ZC3H15: variants seen among roughly 807,000 people sequenced by gnomAD.
ZC3H15 encodes zinc finger CCCH-type containing 15, also known as zinc finger CCCH domain-containing protein 15.
ZC3H15 carries 15 observed loss-of-function variants against 51.2 expected under a neutral mutation model. The ratio of observed to expected loss-of-function variants is 0.29; its 90% CI spans 0.20 to 0.45. ZC3H15 has a LOEUF of 0.45. Ranked by LOEUF, ZC3H15 falls within the 20% of genes least tolerant of loss-of-function variation. The probability of loss-of-function intolerance (pLI) is 1.00; values close to 1 mark genes in which losing one functional copy is unlikely to be tolerated. For missense variants in ZC3H15, 381 were observed against 494.7 expected, an observed-to-expected ratio of 0.77 and a Z score of 2.18; for synonymous variants, 144 against 162.8, an observed-to-expected ratio of 0.88 and a Z score of 0.88.
intron 9 of ZC3H15, chr2:186,507,425 T>C (rs767591814): frequency 2.2e-6 from 1 of 456,696 alleles, no homozygotes; most frequent in Non-Finnish European, 4.4e-6. Context: ...AAGGGCTTTT[T>C]AGGATATGGA....
intron 4 of ZC3H15, 143 bp from the exon 5 acceptor site, chr2:186,502,353 C>T: frequency 3.3e-6 from 2 of 609,188 alleles, no homozygotes; most frequent in South Asian, 4.9e-5. Flanking sequence ...TCCTGAGCAA[C>T]AGTGAGACCC....
In ZC3H15 at chr2:186,486,335, A is replaced by T. The variant is rs1685091658; in HGVS notation, c.-48A>T. 4.7e-6 allele frequency: 7 copies of T among 1,498,954 alleles called. No homozygotes were observed. The highest frequency in any genetic ancestry group is 2.2e-5 in the Admixed American group (1 of 44,952). 92.9% of individuals were successfully genotyped at this position (1,498,954 alleles called of 1,614,324 possible). A position where few individuals can be genotyped will look rare whatever the true frequency, so the allele number is the denominator to read the frequency against. On this transcript the variant is annotated 5_prime_UTR_variant, in exon 1 of 10. Transcript: ENST00000337859. ...TCCTGCCGCAGGGCCAGAACCCCTG[A>T]CGGTATTCAGCTGCGCGTAAGTCTG...
In ZC3H15 at chr2:186,509,271, A is replaced by T. The variant is rs1033781914; in HGVS notation, c.*538A>T. 4 of 188,422 alleles carry T rather than the reference A, an allele frequency of 2.1e-5. No homozygotes were observed. Among genetic ancestry groups the T allele is most frequent in the Non-Finnish European group, 4.5e-5 (4 of 89,744 alleles). 11.7% of individuals were successfully genotyped at this position (188,422 alleles called of 1,614,324 possible). ...CTTCTTTTATCTGACAGGATCAGCT[A>T]CAATGCCCTGTGTTAAATTGTTTAA... On this transcript the variant is annotated 3_prime_UTR_variant, in exon 10 of 10. Transcript: ENST00000337859.
At chr2:186,505,062 G>GTGTT (rs10562523) in intron 6 of ZC3H15, 19,005 of 152,512 alleles carry the variant, frequency 0.12, 1,184 homozygotes, top group Admixed American at 0.16. Context: ...TGAGGAGTAG[G>GTGTT]TGTTTGTTTG....
intron 2 of ZC3H15, chr2:186,497,031 A>G (rs1685293193): frequency 2.8e-5 from 10 of 358,106 alleles, no homozygotes; most frequent in South Asian, 2.1e-4. Context: ...GAGTTTATCC[A>G]TTGGCAACTC....
At chr2:186,495,368 ATG>A in intron 2 of ZC3H15, 34 bp downstream of exon 2, 1 of 1,212,874 alleles carries the variant, frequency 8.2e-7, no homozygotes, top group Non-Finnish European at 1.1e-6. Flanking sequence ...CTTTTTATAA[ATG>A]TAATATTAAT....
At chr2:186,500,765 G>A (rs1382582055) in intron 3 of ZC3H15, 3 of 448,626 alleles carry the variant, frequency 6.7e-6, no homozygotes, top group South Asian at 1.6e-5. Context: ...ACCTCCGACT[G>A]TCTGGTTCAA....
Position 186,486,377 on chromosome 2 carries a change from T to C in ZC3H15, c.-6T>C. 6.5e-7 allele frequency: 1 copy of C among 1,536,708 alleles called. No individual in the cohort carries two copies. The highest frequency in any genetic ancestry group is 8.8e-7 in the Non-Finnish European group (1 of 1,137,652). ...GTAAGTCTGGCCGGTGCCATCTGTC[T>C]CCGCAATGCCCCCCAAGAAACAGGC... On this transcript the variant is annotated 5_prime_UTR_variant, in exon 1 of 10. Transcript: ENST00000337859.
intron 1 of ZC3H15, among the ~76,000 whole-genome samples, chr2:186,487,869 A>C (rs916466965): frequency 2.0e-5 from 3 of 152,108 alleles, no homozygotes; most frequent in African/African-American, 7.2e-5. Flanking sequence ...CTCTATATCT[A>C]ATTGTTTTAT....
At chr2:186,488,933 A>G (rs1396383374) in intron 1 of ZC3H15, 1 of 158,608 alleles carries the variant, frequency 6.3e-6, no homozygotes, top group South Asian at 2.0e-4. Context: ...GTTTTGTGCT[A>G]TCATTCTTTA....
chr2:186,504,252 C>A, intron 6 of ZC3H15, 38 bp downstream of exon 6: 2 of 1,487,700 alleles, frequency 1.3e-6, no homozygotes, highest in Non-Finnish European at 9.0e-7. Flanking sequence ...AAACTGAAAG[C>A]AGTATTTATT....
intron 1 of ZC3H15, among the ~76,000 whole-genome samples, chr2:186,494,143 C>T (rs1685242657): frequency 6.6e-6 from 1 of 151,840 alleles, no homozygotes; most frequent in Admixed American, 6.6e-5. Flanking sequence ...CAAGGATCAC[C>T]ATTAGTGCTT....
At chr2:186,501,152 G>T in intron 3 of ZC3H15, 121 bp from the exon 4 acceptor site, 2 of 1,044,462 alleles carry the variant, frequency 1.9e-6, no homozygotes, top group Non-Finnish European at 2.6e-6. Context: ...CATAAGTGCC[G>T]TTTTCCTCTC....
rs372032569 is a variant in ZC3H15 at position 186,495,244 on chromosome 2, C to T, written c.87C>T (p.Phe29=). 1.6e-4 allele frequency: 247 copies of T among 1,542,918 alleles called. 1 individual carries two copies. The highest frequency in any genetic ancestry group is 2.0e-4 in the Non-Finnish European group (225 of 1,150,150). Residue 29 remains phenylalanine, a synonymous_variant, in exon 2 of 10, where the codon TTC becomes TTT. Coordinates refer to ENST00000337859, the MANE Select transcript of ZC3H15 (RefSeq NM_018471.3). The part of the protein sequence containing the change: ...KKEKIIEDKT[F]GLKNKKGAKQ... ...TCTTTCTCATGTAGGACAAAACTTT[C>T]GGTTTGAAGAATAAGAAAGGAGCAA...
At chr2:186,500,408 T>C in intron 3 of ZC3H15, 115 bp downstream of exon 3, 1 of 913,804 alleles carries the variant, frequency 1.1e-6, no homozygotes, top group Non-Finnish European at 1.7e-6. Flanking sequence ...TGAATGAAAA[T>C]GTTACTCCAT....
At chr2:186,506,957 G>A (rs753985040) in intron 9 of ZC3H15, 121 bp downstream of exon 9, 19 of 1,118,184 alleles carry the variant, frequency 1.7e-5, no homozygotes, top group Middle Eastern at 2.1e-4. Flanking sequence ...TGTGTGGTTT[G>A]ACCATAAATA....
intron 1 of ZC3H15, among the ~76,000 whole-genome samples, chr2:186,488,324 CTCTT>C (rs112924691): frequency 3.9e-5 from 6 of 152,224 alleles, no homozygotes; most frequent in South Asian, 2.1e-4. Context: ...TGTTTTGTGC[CTCTT>C]TCTATTTAAT....
chr2:186,495,264 G>T lies in ZC3H15; in HGVS notation c.107G>T (p.Gly36Val). 6.4e-7 allele frequency: 1 copy of T among 1,552,938 alleles called. No individual in the cohort carries two copies. Among genetic ancestry groups the T allele is most frequent in the Non-Finnish European group, 8.7e-7 (1 of 1,154,664 alleles). Residue 36 changes from glycine (G) to valine (V), a missense_variant, in exon 2 of 10, where the codon GGA becomes GTA. Around this residue, in one of 3 missense-constraint regions of ZC3H15, gnomAD observed 125 missense variants for 166.3 expected, o/e 0.75. Transcript: ENST00000337859. ...ACTTTCGGTTTGAAGAATAAGAAAG[G>T]AGCAAAGCAACAGAAGTTTATCAAG... The part of the protein sequence containing the change: ...DKTFGLKNKK[G>V]AKQQKFIKAV...
Position 186,500,204 on chromosome 2 carries a change from A to G in ZC3H15, c.200A>G (p.Lys67Arg), listed in dbSNP as rs1559010689. The change falls in exon 3 of 10, where the codon AAG becomes AGG. Residue 67 changes from lysine to arginine, a missense_variant. Physicochemically the swap from Lys to Arg is conservative, Grantham distance 26. Coordinates refer to ENST00000337859, the MANE Select transcript of ZC3H15 (RefSeq NM_018471.3). ...PRQVAQSEAE[K>R]KLKKDDKKKE... ...TAGGTAGCACAGAGTGAAGCTGAAA[A>G]GAAATTGAAGAAGGATGACAAGAAG... The G allele has an allele frequency of 1.2e-6, 2 of 1,613,390 alleles. No homozygotes were observed. The highest frequency in any genetic ancestry group is 3.3e-5 in the Admixed American group (2 of 59,920).
Sources: allele counts gnomAD v4.1 joint callset (sites outside exome capture counted in the v4.1 genomes callset), GRCh38; gene constraint gnomAD v4.1.1; regional missense constraint gnomAD v4.1.1; transcripts MANE v1.5; gene names NCBI Gene and HGNC (gene_info 2026-07-23, HGNC 2026-07-21).